PCAT7: variants seen among roughly 807,000 people sequenced by gnomAD.
PCAT7 encodes prostate cancer associated transcript 7, also known as prostate cancer associated transcript 7 (non-protein coding).
chr9:94,562,891 A>G (rs1827129887), intron 2 of PCAT7, among the ~76,000 whole-genome samples: 1 of 152,196 alleles, frequency 6.6e-6, no homozygotes, highest in African/African-American at 2.4e-5. Context: ...ACTTGGGCGG[A>G]CTTCAGGGCA....
chr9:94,567,184 T>C, intron 2 of PCAT7: 1 of 1,419,168 alleles, frequency 7.0e-7, no homozygotes. Context: ...CCAACCTCTT[T>C]CAGCAAAGCC....
chr9:94,559,170 G>A, intron 2 of PCAT7: 6 of 1,572,708 alleles, frequency 3.8e-6, no homozygotes, highest in Non-Finnish European at 5.2e-6. Context: ...AACTCTGCAA[G>A]TGGCCAAATG....
chr9:94,564,469 C>T (rs1827156912), intron 2 of PCAT7, among the ~76,000 whole-genome samples: 1 of 152,158 alleles, frequency 6.6e-6, no homozygotes, highest in Non-Finnish European at 1.5e-5. Flanking sequence ...CAATGGAATA[C>T]TATGCAGCCA....
chr9:94,563,317 C>T lies in PCAT7; in HGVS notation n.441+4165C>T, dbSNP rs753153227. The T allele has an allele frequency of 2.5e-6, 4 of 1,611,470 alleles. No homozygotes were observed. The Admixed American group carries it at 5.0e-5, about 20-fold the overall frequency. On this transcript the variant is annotated intron_variant and non_coding_transcript_variant, in intron 2 of 8. Transcript: ENST00000647389. ...TCCCCCACCTCCCTGACCGGATGCA[C>T]AGCCAGTGGACAAGGGAGAATTACC...
intron 1 of PCAT7, among the ~76,000 whole-genome samples, chr9:94,557,939 G>A (rs1827033807): frequency 3.3e-5 from 5 of 152,174 alleles, no homozygotes; most frequent in Admixed American, 2.6e-4. Flanking sequence ...TTTAACCAGT[G>A]TACACCAGTT....
chr9:94,568,877 CCT>C (rs1280010343), intron 2 of PCAT7: 3 of 152,250 alleles, frequency 2.0e-5, no homozygotes, highest in African/African-American at 4.8e-5. Flanking sequence ...CCAGACTGAC[CCT>C]CTCTTCCTCA....
chr9:94,568,722 TAACAAA>T (rs2131448340), intron 2 of PCAT7: 1 of 152,214 alleles, frequency 6.6e-6, no homozygotes, highest in Non-Finnish European at 1.5e-5. Flanking sequence ...GGAGACTCAA[TAACAAA>T]AACAACTAAA....
At chr9:94,571,758 C>T (rs1827272653) in intron 2 of PCAT7, among the ~76,000 whole-genome samples, 1 of 152,212 alleles carries the variant, frequency 6.6e-6, no homozygotes, top group Non-Finnish European at 1.5e-5. Context: ...AACGAGTGGC[C>T]ATGTTGCCAA....
intron 2 of PCAT7, chr9:94,569,630 C>A (rs1478355541): frequency 6.6e-6 from 1 of 152,122 alleles, no homozygotes; most frequent in Admixed American, 6.5e-5. Flanking sequence ...GTGTGGTCAC[C>A]AACAACGGCT....
chr9:94,565,700 C>T (rs373050732), intron 2 of PCAT7, among the ~76,000 whole-genome samples: 18 of 151,614 alleles, frequency 1.2e-4, no homozygotes, highest in African/African-American at 3.2e-4. Context: ...AGAAAAGCTA[C>T]GAGAAATCTC....
chr9:94,562,691 T>C (rs1432250711), intron 2 of PCAT7, among the ~76,000 whole-genome samples: 1 of 152,208 alleles, frequency 6.6e-6, no homozygotes, highest in African/African-American at 2.4e-5. Context: ...TGGCTAAAAT[T>C]CAGATGCATT....
chr9:94,572,127 CTG>C (rs959866946), intron 2 of PCAT7, among the ~76,000 whole-genome samples: 2 of 152,166 alleles, frequency 1.3e-5, no homozygotes, highest in African/African-American at 2.4e-5. Flanking sequence ...CTCTCTGACT[CTG>C]TGGATGCTCC....
chr9:94,554,850 A>G (rs1826981354), upstream of PCAT7, among the ~76,000 whole-genome samples: 1 of 152,188 alleles, frequency 6.6e-6, no homozygotes, highest in South Asian at 2.1e-4. Context: ...TAAGCCGGGT[A>G]CGTAGTAGCT....
At chr9:94,557,615 G>C (rs1827030157) in intron 1 of PCAT7, among the ~76,000 whole-genome samples, 1 of 152,214 alleles carries the variant, frequency 6.6e-6, no homozygotes, top group African/African-American at 2.4e-5. Context: ...AGTGGGAAAG[G>C]AGAGCCTTGC....
intron 1 of PCAT7, chr9:94,558,653 G>T: frequency 2.7e-6 from 1 of 367,746 alleles, no homozygotes; most frequent in East Asian, 7.5e-5. Context: ...CCAATTATGT[G>T]GGTTGACAGA....
At chr9:94,554,702 G>A (rs927407432), upstream of PCAT7, among the ~76,000 whole-genome samples, 6 of 152,146 alleles carry the variant, frequency 3.9e-5, no homozygotes, top group South Asian at 2.1e-4. Context: ...CTTCCAGCCC[G>A]GCAGGAGAAG....
intron 2 of PCAT7, chr9:94,572,888 A>C (rs1044091272): frequency 1.3e-5 from 2 of 152,250 alleles, no homozygotes; most frequent in African/African-American, 4.8e-5. Context: ...GCTAATATAT[A>C]GAAATCTAGT....
intron 2 of PCAT7, chr9:94,567,280 T>C: frequency 6.2e-7 from 1 of 1,614,158 alleles, no homozygotes; most frequent in Non-Finnish European, 8.5e-7. Flanking sequence ...CTCAGGGAAT[T>C]TCTTTTTCTG....
intron 2 of PCAT7, chr9:94,567,811 A>G: frequency 5.7e-6 from 1 of 174,250 alleles, no homozygotes; most frequent in Non-Finnish European, 1.2e-5. Context: ...ACATTGTCGT[A>G]TGAGGGATGC....
Sources: gnomAD v4.1 joint callset for allele counts (sites outside exome capture counted in the v4.1 genomes callset) on GRCh38, gnomAD v4.1.1 for gene constraint, MANE v1.5 for transcripts, NCBI Gene and HGNC (gene_info 2026-07-23, HGNC 2026-07-21) for gene names.